The following ARHGEF11 variants were observed in gnomAD, a reference collection of about 807,000 sequenced individuals.
The protein encoded by ARHGEF11 is Rho guanine nucleotide exchange factor 11.
ARHGEF11 carries 55 observed loss-of-function variants against 193.7 expected under a neutral mutation model. The observed-to-expected ratio is 0.28, with a 90% CI of 0.23 to 0.36. ARHGEF11 has a LOEUF of 0.36. ARHGEF11 is among the 10% of genes least tolerant of loss of function. The pLI is 1.00. For missense variants in ARHGEF11, 1,723 were observed against 2,005.6 expected (o/e 0.86, Z 2.69); for synonymous variants, 693 against 768.0 (o/e 0.90, Z 1.62).
At chr1:156,991,970 C>G (rs1022670466) in intron 1 of ARHGEF11, among the ~76,000 whole-genome samples, 14 of 151,922 alleles carry the variant, frequency 9.2e-5, no homozygotes, top group African/African-American at 3.4e-4. Flanking sequence ...CCCGCCTCGG[C>G]CTCCCAAAGT....
At chr1:156,967,888 T>TAAA in intron 11 of ARHGEF11, 99 bp downstream of exon 11, 1 of 1,564,788 alleles carries the variant, frequency 6.4e-7, no homozygotes, top group Non-Finnish European at 8.8e-7. Flanking sequence ...GAAGCAGGGG[T>TAAA]TTAGTCTGAT....
intron 1 of ARHGEF11, among the ~76,000 whole-genome samples, chr1:157,014,625 C>T (rs1003355642): frequency 3.3e-5 from 5 of 152,186 alleles, no homozygotes; most frequent in Non-Finnish European, 5.9e-5. Flanking sequence ...TGGGAAGAGT[C>T]GTCTACATCG....
At chr1:157,040,739 G>A (rs1672637684) in intron 1 of ARHGEF11, among the ~76,000 whole-genome samples, 2 of 152,142 alleles carry the variant, frequency 1.3e-5, no homozygotes, top group Admixed American at 6.5e-5. Context: ...AGCTCAGAAA[G>A]TTGTGCACGA....
At chr1:157,030,633 A>G (rs1366346586) in intron 1 of ARHGEF11, among the ~76,000 whole-genome samples, 1 of 152,102 alleles carries the variant, frequency 6.6e-6, no homozygotes, top group Non-Finnish European at 1.5e-5. Context: ...AAGCCTTGAC[A>G]GGGGTATAGG....
intron 1 of ARHGEF11, among the ~76,000 whole-genome samples, chr1:157,007,415 G>A (rs1667959023): frequency 6.6e-6 from 1 of 152,190 alleles, no homozygotes; most frequent in African/African-American, 2.4e-5. Context: ...TTCTAAGCCA[G>A]CCAGACTTCC....
rs369342314 is a variant in ARHGEF11, at chr1:156,946,830, G to A, written c.2569-43C>T. Reference sequence around the variant, plus strand: ...ACACGGGGCCAGGCATCAAACCCCTGCCTGGGACCAGACCCCTGCCTTTGC... The same window carrying A: ...ACACGGGGCCAGGCATCAAACCCCTACCTGGGACCAGACCCCTGCCTTTGC... On this transcript the variant is annotated intron_variant, in intron 27 of 40. Coordinates refer to ENST00000368194, the MANE Select transcript of ARHGEF11 (RefSeq NM_198236.3). 2.2e-5 allele frequency: 35 copies of A among 1,601,680 alleles called. No homozygotes were observed. The Admixed American group carries it at 5.6e-4, about 25-fold the overall frequency.
At position 157,045,406 on chromosome 1, in the gene ARHGEF11, C is replaced by CCCGG. The variant is rs1673213135; in HGVS notation, c.-1080_-1077dup. ...CCCCCTTCTCTCTCCCTCTCTCTCG[C>CCCGG]CCGGCCAGAAAGACGGCTCCCTTAT... is the stretch of plus-strand genomic sequence containing the variant. On this transcript the variant is annotated 5_prime_UTR_variant, in exon 1 of 41. Coordinates refer to ENST00000368194, the MANE Select transcript of ARHGEF11 (RefSeq NM_198236.3). 1 of 152,290 alleles carries CCCGG rather than the reference C, an allele frequency of 6.6e-6. No homozygotes were observed. The highest frequency in any genetic ancestry group is 1.5e-5 in the Non-Finnish European group (1 of 68,062). 9.4% of individuals were successfully genotyped at this position (152,290 alleles called of 1,614,324 possible). A position where few individuals can be genotyped will look rare whatever the true frequency, so the allele number is the denominator to read the frequency against.
rs1018544169 is a variant in ARHGEF11, at chr1:156,954,422, G to A, written c.1798+470C>T. Reference sequence around the variant, plus strand: ...AAAAAAAAAAAAAAAAAAAAAATCTGAGGCACTTCTGCTTCACTGTAAGAC... The same window carrying A: ...AAAAAAAAAAAAAAAAAAAAAATCTAAGGCACTTCTGCTTCACTGTAAGAC... On this transcript the variant is annotated intron_variant, in intron 21 of 40. Coordinates refer to ENST00000368194, the MANE Select transcript of ARHGEF11 (RefSeq NM_198236.3). Among the ~76,000 whole-genome samples, 3 of 134,960 alleles carry A rather than the reference G, an allele frequency of 2.2e-5. No homozygotes were observed. The Admixed American group carries it at 2.3e-4, about 10-fold the overall frequency. The allele number at this position is 134,960 out of a possible 152,430, so 88.5% of individuals were successfully genotyped here.
chr1:157,034,540 A>C (rs1370664394), intron 1 of ARHGEF11, among the ~76,000 whole-genome samples: 1 of 152,234 alleles, frequency 6.6e-6, no homozygotes. Context: ...AGTTCCTGGC[A>C]GGAGTGTTTA....
chr1:156,945,981 T>C, intron 29 of ARHGEF11, 64 bp downstream of exon 29: 1 of 1,319,176 alleles, frequency 7.6e-7, no homozygotes, highest in Non-Finnish European at 1.1e-6. Context: ...CACAAAGCAG[T>C]GTCAGAATGA....
intron 1 of ARHGEF11, among the ~76,000 whole-genome samples, chr1:157,014,588 C>T (rs1365956346): frequency 6.6e-6 from 1 of 152,160 alleles, no homozygotes; most frequent in Non-Finnish European, 1.5e-5. Flanking sequence ...CAACCAATCT[C>T]TTTTCTCCAC....
chr1:157,015,192 A>T (rs1437236402), intron 1 of ARHGEF11, among the ~76,000 whole-genome samples: 1 of 152,042 alleles, frequency 6.6e-6, no homozygotes, highest in East Asian at 1.9e-4. Flanking sequence ...TTTCCCCTCT[A>T]CTTCAGGAAT....
At chr1:157,019,654 T>C (rs78891536) in intron 1 of ARHGEF11, among the ~76,000 whole-genome samples, 132 of 152,224 alleles carry the variant, frequency 8.7e-4, no homozygotes, top group Non-Finnish European at 1.5e-3. Context: ...AAATTACTCA[T>C]AAAATGGAAT....
intron 9 of ARHGEF11, 87 bp from the exon 10 acceptor site, chr1:156,969,445 AG>A: frequency 7.9e-7 from 1 of 1,264,852 alleles, no homozygotes; most frequent in Non-Finnish European, 1.1e-6. Context: ...TGTGCAGGGC[AG>A]GAAGAGGGAG....
chr1:156,967,851 A>G, intron 11 of ARHGEF11, 136 bp downstream of exon 11: 1 of 1,118,226 alleles, frequency 8.9e-7, no homozygotes, highest in Non-Finnish European at 1.3e-6. Flanking sequence ...TCTCTATGTA[A>G]GTGACTGTCT....
chr1:157,035,909 ATC>A (rs3048565), intron 1 of ARHGEF11, among the ~76,000 whole-genome samples: 1,443 of 40,922 alleles, frequency 0.035, 156 homozygotes, highest in Middle Eastern at 0.08. Flanking sequence ...ATATATATGA[ATC>A]TATATATAGG....
intron 1 of ARHGEF11, among the ~76,000 whole-genome samples, chr1:157,036,744 G>A (rs973802349): frequency 1.3e-5 from 2 of 152,168 alleles, no homozygotes; most frequent in African/African-American, 4.8e-5. Flanking sequence ...GGTATCAATG[G>A]CAGACAAAAT....
intron 1 of ARHGEF11, among the ~76,000 whole-genome samples, chr1:156,987,798 G>C (rs1399840691): frequency 1.3e-5 from 2 of 152,120 alleles, no homozygotes; most frequent in African/African-American, 4.8e-5. Flanking sequence ...GCCCAGGAGA[G>C]AGCAACGCAG....
Position 156,961,761 on chromosome 1 carries a change from A to G in ARHGEF11, c.1155T>C (p.Cys385=), listed in dbSNP as rs900212369. Residue 385 remains cysteine (C), a synonymous_variant, in exon 14 of 41, where the codon TGT becomes TGC. Transcript: ENST00000368194. ...ADPSPLLFYL[C]AEVYQQASPK... is the part of the protein sequence containing the mutation. Reference sequence around the variant, plus strand: ...GGCTTGCCTGCTGATAAACTTCTGCACACAGGTAAAAAAGCTAGGAGGAGA... The same window carrying G: ...GGCTTGCCTGCTGATAAACTTCTGCGCACAGGTAAAAAAGCTAGGAGGAGA... 4.3e-6 allele frequency: 7 copies of G among 1,614,068 alleles called. No individual in the cohort carries two copies. Among genetic ancestry groups the G allele is most frequent in the African/African-American group, 2.7e-5 (2 of 74,928 alleles).
Sources: gnomAD v4.1 joint callset for allele counts (sites outside exome capture counted in the v4.1 genomes callset) on GRCh38, gnomAD v4.1.1 for gene constraint, MANE v1.5 for transcripts, NCBI Gene and HGNC (gene_info 2026-07-23, HGNC 2026-07-21) for gene names.